Variants in CNTN3 observed in about 807,000 individuals in gnomAD.
CNTN3 encodes contactin-3.
CNTN3 carries 60 observed loss-of-function variants against 119.1 expected under a neutral mutation model. That is an observed-to-expected ratio of 0.50 (90% CI 0.41 to 0.62). The LOEUF is 0.62. CNTN3 is among the 20% of genes least tolerant of loss of function. CNTN3 has a pLI of 0.00. For synonymous variants in CNTN3, 450 were observed against 438.7 expected (o/e 1.03, Z -0.32); for missense variants, 1,101 against 1,242.4 (o/e 0.89, Z 1.71).
At chr3:74,416,718 T>G (rs1455467068) in intron 5 of CNTN3, among the ~76,000 whole-genome samples, 2 of 152,152 alleles carry the variant, frequency 1.3e-5, no homozygotes, top group Non-Finnish European at 2.9e-5. Context: ...CTGGGCGCAG[T>G]GGCTCACACC....
intron 4 of CNTN3, among the ~76,000 whole-genome samples, chr3:74,480,446 G>C (rs1702742921): frequency 6.6e-6 from 1 of 151,956 alleles, no homozygotes; most frequent in South Asian, 2.1e-4. Flanking sequence ...TGGTAGGAGA[G>C]TGTTGTAGCA....
chr3:74,448,680 G>A (rs1702091743), intron 4 of CNTN3, among the ~76,000 whole-genome samples: 1 of 152,012 alleles, frequency 6.6e-6, no homozygotes, highest in South Asian at 2.1e-4. Context: ...CATACACAGA[G>A]GCAGAATAAA....
At chr3:74,319,344 C>G (rs1286810000) in intron 13 of CNTN3, among the ~76,000 whole-genome samples, 3 of 152,082 alleles carry the variant, frequency 2.0e-5, no homozygotes, top group African/African-American at 4.8e-5. Flanking sequence ...TAGAACAGAG[C>G]CCTCAGAAAT....
chr3:74,441,028 A>C (rs1701955036), intron 4 of CNTN3, among the ~76,000 whole-genome samples: 3 of 152,156 alleles, frequency 2.0e-5, no homozygotes, highest in East Asian at 1.9e-4. Context: ...CCTAACTTTA[A>C]CATTGGGTGA....
At chr3:74,454,948 C>CT (rs1194918465) in intron 4 of CNTN3, among the ~76,000 whole-genome samples, 2 of 152,004 alleles carry the variant, frequency 1.3e-5, no homozygotes, top group Non-Finnish European at 2.9e-5. Context: ...ACATTTTTTC[C>CT]TCATTTCAAC....
intron 13 of CNTN3, among the ~76,000 whole-genome samples, chr3:74,323,648 G>C (rs553076624): frequency 1.3e-5 from 2 of 152,286 alleles, no homozygotes; most frequent in East Asian, 3.9e-4. Flanking sequence ...AAGCCAGCAT[G>C]AGTAAAGGTA....
At chr3:74,475,625 G>T (rs1302526588) in intron 4 of CNTN3, among the ~76,000 whole-genome samples, 1 of 152,184 alleles carries the variant, frequency 6.6e-6, no homozygotes, top group African/African-American at 2.4e-5. Flanking sequence ...CGGTGGAAAT[G>T]AGTATTATTT....
At chr3:74,438,570 A>T (rs1312311282) in intron 4 of CNTN3, among the ~76,000 whole-genome samples, 2 of 152,168 alleles carry the variant, frequency 1.3e-5, no homozygotes, top group Non-Finnish European at 2.9e-5. Context: ...CAACTACTCT[A>T]GTTTACCTGT....
intron 4 of CNTN3, among the ~76,000 whole-genome samples, chr3:74,428,667 T>C (rs1363553345): frequency 6.6e-6 from 1 of 152,172 alleles, no homozygotes; most frequent in Non-Finnish European, 1.5e-5. Context: ...CACTGAAACA[T>C]ATTTTTATAA....
intron 15 of CNTN3, 32 bp downstream of exon 15, chr3:74,301,615 T>G: frequency 6.2e-7 from 1 of 1,612,878 alleles, no homozygotes; most frequent in Non-Finnish European, 8.5e-7. Context: ...CATTTATATG[T>G]GTGCAGATGA....
At chr3:74,327,476 T>G (rs1436794779) in intron 13 of CNTN3, among the ~76,000 whole-genome samples, 2 of 152,156 alleles carry the variant, frequency 1.3e-5, no homozygotes, top group African/African-American at 2.4e-5. Context: ...AAAATTTCCC[T>G]TAAGTTTTCT....
At chr3:74,362,948 G>T (rs1241482039) in intron 10 of CNTN3, among the ~76,000 whole-genome samples, 3 of 152,110 alleles carry the variant, frequency 2.0e-5, no homozygotes, top group Admixed American at 2.0e-4. Context: ...TCATAAAAGA[G>T]TGATTTTTGT....
chr3:74,364,340 G>T, intron 10 of CNTN3, 127 bp downstream of exon 10: 1 of 831,524 alleles, frequency 1.2e-6, no homozygotes, highest in Non-Finnish European at 1.8e-6. Flanking sequence ...CTGAATGATC[G>T]TGTTGTAATA....
intron 13 of CNTN3, among the ~76,000 whole-genome samples, chr3:74,327,341 C>T (rs1291385975): frequency 1.3e-5 from 2 of 151,766 alleles, no homozygotes; most frequent in African/African-American, 4.8e-5. Flanking sequence ...GTTGGTCAGG[C>T]TGGTCTCGAA....
intron 5 of CNTN3, among the ~76,000 whole-genome samples, chr3:74,378,791 G>A (rs916256251): frequency 6.6e-6 from 1 of 152,178 alleles, no homozygotes; most frequent in Non-Finnish European, 1.5e-5. Context: ...GATATCTAGA[G>A]ATCAAGTTAT....
chr3:74,548,646 G>A lies in CNTN3; in HGVS notation c.-80-27454C>T, dbSNP rs114072408. 8.5e-3 allele frequency among the ~76,000 whole-genome samples: 1,293 copies of A among 152,078 alleles called. 19 individuals carry two copies. The highest frequency in any genetic ancestry group is 0.044 in the Middle Eastern group (13 of 294). The stretch of plus-strand genomic sequence containing the variant: ...ATAGGTTCTTGAAAACTGACTTTAA[G>A]TGGAACAATACATAATGAAACCATT... On this transcript the variant is annotated intron_variant, in intron 1 of 22. Coordinates refer to ENST00000263665, the MANE Select transcript of CNTN3 (RefSeq NM_020872.3).
chr3:74,297,005 T>C (rs7624287), intron 18 of CNTN3, among the ~76,000 whole-genome samples: 64,512 of 151,834 alleles, frequency 0.42, 13,925 homozygotes, highest in South Asian at 0.59. Context: ...TGTCTCAATA[T>C]CTGAGACAGG....
chr3:74,559,882 A>C (rs1268051958), intron 1 of CNTN3, among the ~76,000 whole-genome samples: 1 of 152,170 alleles, frequency 6.6e-6, no homozygotes, highest in Non-Finnish European at 1.5e-5. Flanking sequence ...CTAATGTGTG[A>C]TGAAATCATT....
In CNTN3 at chr3:74,575,606, A is replaced by AACACACACACACACACACAC. The variant is rs71129762; in HGVS notation, c.-81+38765_-81+38784dup. Among the ~76,000 whole-genome samples, 1,051 of 135,140 alleles carry AACACACACACACACACACAC rather than the reference A, an allele frequency of 7.8e-3. 10 individuals are homozygous for AACACACACACACACACACAC. Among genetic ancestry groups the AACACACACACACACACACAC allele is most frequent in the East Asian group, 0.011 (51 of 4,544 alleles). The allele number at this position is 135,140 out of a possible 152,430, so 88.7% of individuals were successfully genotyped here. On this transcript the variant is annotated intron_variant, in intron 1 of 22. Coordinates refer to ENST00000263665, the MANE Select transcript of CNTN3 (RefSeq NM_020872.3). The stretch of plus-strand genomic sequence containing the variant: ...ATTCATTTCCTCTTCAGTCTCTCCC[A>AACACACACACACACACACAC]ACACACACACACACACACACACACA...
Sources: allele counts gnomAD v4.1 joint callset (sites outside exome capture counted in the v4.1 genomes callset), GRCh38; gene constraint gnomAD v4.1.1; transcripts MANE v1.5; gene names NCBI Gene and HGNC (gene_info 2026-07-23, HGNC 2026-07-21).